The following CUX2 variants were observed in gnomAD, a reference collection of about 807,000 sequenced individuals.
CUX2 encodes cut like homeobox 2.
In CUX2, 40 loss-of-function variants were observed where a neutral mutation model predicts 144.8. That is an observed-to-expected ratio of 0.28 (90% CI 0.21 to 0.36). The LOEUF (loss-of-function observed/expected upper bound fraction) is 0.36, where lower values mean the gene tolerates loss of function less well. CUX2 is among the 10% of genes least tolerant of loss of function. The pLI, the probability that CUX2 is intolerant of heterozygous loss-of-function variation, is 1.00. For missense variants in CUX2, 1,615 were observed against 1,994.0 expected, an observed-to-expected ratio of 0.81 and a Z score of 3.62; for synonymous variants, 827 against 875.6, an observed-to-expected ratio of 0.94 and a Z score of 0.98.
chr12:111,235,554 G>A (rs1171385071), intron 3 of CUX2, among the ~76,000 whole-genome samples: 5 of 151,880 alleles, frequency 3.3e-5, no homozygotes, highest in Non-Finnish European at 5.9e-5. Flanking sequence ...AACCCCATCT[G>A]TACTAAAAAT....
intron 3 of CUX2, among the ~76,000 whole-genome samples, chr12:111,236,101 G>T (rs79917784): frequency 2.4e-3 from 360 of 152,232 alleles, no homozygotes; most frequent in African/African-American, 8.3e-3. Context: ...GATAGTATTT[G>T]TCCTTCCCTG....
At chr12:111,271,981 T>A (rs1262041328) in intron 4 of CUX2, among the ~76,000 whole-genome samples, 2 of 152,344 alleles carry the variant, frequency 1.3e-5, no homozygotes, top group African/African-American at 4.8e-5. Context: ...TTCAAAAAAA[T>A]ATTTGCAGAA....
chr12:111,115,264 G>A (rs1874216137), intron 1 of CUX2, among the ~76,000 whole-genome samples: 1 of 150,674 alleles, frequency 6.6e-6, no homozygotes, highest in Non-Finnish European at 1.5e-5. Context: ...GATCAATTTG[G>A]AGATAATAAA....
At chr12:111,130,115 G>A (rs139403000) in intron 1 of CUX2, among the ~76,000 whole-genome samples, 3 of 152,136 alleles carry the variant, frequency 2.0e-5, no homozygotes, top group Non-Finnish European at 4.4e-5. Context: ...GTTCCTTTGT[G>A]GGGGGCTGGG....
Position 111,338,378 on chromosome 12 carries a change from C to T in CUX2, c.3289C>T (p.Leu1097=). 2 of 1,614,172 alleles carry T rather than the reference C, an allele frequency of 1.2e-6. No individual in the cohort carries two copies. The highest frequency in any genetic ancestry group is 1.7e-6 in the Non-Finnish European group (2 of 1,180,016). ...SRPKPWHKLS[L]KGREPFVRMQ... is the part of the protein sequence containing the mutation. Reference sequence around the variant, plus strand: ...GCCCAAACCCTGGCACAAGCTGAGCCTGAAGGGGCGGGAGCCTTTTGTCCG... The same window carrying T: ...GCCCAAACCCTGGCACAAGCTGAGCTTGAAGGGGCGGGAGCCTTTTGTCCG... Residue 1097 remains leucine (L), a synonymous_variant, in exon 20 of 22, where the codon CTG becomes TTG. Coordinates refer to ENST00000261726, the MANE Select transcript of CUX2 (RefSeq NM_015267.4).
At chr12:111,206,329 C>CT (rs1267268025) in intron 1 of CUX2, among the ~76,000 whole-genome samples, 1 of 151,960 alleles carries the variant, frequency 6.6e-6, no homozygotes, top group Non-Finnish European at 1.5e-5. Flanking sequence ...AAAACCCTGT[C>CT]TAAGAAAAAA....
intron 1 of CUX2, among the ~76,000 whole-genome samples, chr12:111,107,358 A>G (rs1242259013): frequency 6.6e-6 from 1 of 152,242 alleles, no homozygotes; most frequent in African/African-American, 2.4e-5. Context: ...CTTTTTTGAC[A>G]TCTGACTGGG....
chr12:111,231,569 C>T (rs916058456), intron 3 of CUX2, among the ~76,000 whole-genome samples: 1 of 152,180 alleles, frequency 6.6e-6, no homozygotes, highest in African/African-American at 2.4e-5. Context: ...GGTCAGAAGT[C>T]AGCAGACTGT....
At chr12:111,113,179 G>A (rs563467615) in intron 1 of CUX2, among the ~76,000 whole-genome samples, 15 of 152,210 alleles carry the variant, frequency 9.9e-5, no homozygotes, top group African/African-American at 3.1e-4. Flanking sequence ...GAGAGGACCC[G>A]CTGGGGAGGA....
intron 18 of CUX2, among the ~76,000 whole-genome samples, chr12:111,328,619 T>A (rs574007574): frequency 0.011 from 1,615 of 148,612 alleles, 27 homozygotes; most frequent in African/African-American, 0.039. Context: ...TGTGTGTGTG[T>A]GACAGAGTCT....
intron 1 of CUX2, among the ~76,000 whole-genome samples, chr12:111,179,682 G>GT (rs771551244): frequency 0.055 from 7,818 of 141,620 alleles, 390 homozygotes; most frequent in African/African-American, 0.13. Flanking sequence ...CCATGGTTTT[G>GT]TTTTTTTTTT....
intron 1 of CUX2, among the ~76,000 whole-genome samples, chr12:111,131,112 A>G (rs1875444179): frequency 6.6e-6 from 1 of 152,196 alleles, no homozygotes; most frequent in South Asian, 2.1e-4. Flanking sequence ...GGGAAGAGAA[A>G]GAAGTTTAAT....
chr12:111,206,138 C>G (rs1037473063), intron 1 of CUX2, among the ~76,000 whole-genome samples: 32 of 152,254 alleles, frequency 2.1e-4, no homozygotes, highest in African/African-American at 7.7e-4. Context: ...GAGTTTGAGG[C>G]CAGCCTGAGC....
chr12:111,104,143 CTT>C (rs1442409726), intron 1 of CUX2, among the ~76,000 whole-genome samples: 3 of 152,192 alleles, frequency 2.0e-5, no homozygotes, highest in Non-Finnish European at 2.9e-5. Context: ...TTTTCTCTCT[CTT>C]GGGGCACAAT....
In CUX2 at chr12:111,332,586, G is replaced by GAC. The variant is rs566497316; in HGVS notation, c.2927-1854_2927-1853dup. 1.2e-3 allele frequency among the ~76,000 whole-genome samples: 188 copies of GAC among 152,118 alleles called. 3 individuals carry two copies. Among genetic ancestry groups the GAC allele is most frequent in the African/African-American group, 4.3e-3 (179 of 41,496 alleles). Reference sequence around the variant, plus strand: ...TGTAGATCATTGCTGGATCATTGCTGACTTCTTTAGTTGTTGCCGTTTATT... The same window carrying GAC: ...TGTAGATCATTGCTGGATCATTGCTGACACTTCTTTAGTTGTTGCCGTTTATT... On this transcript the variant is annotated intron_variant, in intron 18 of 21. Coordinates refer to ENST00000261726, the MANE Select transcript of CUX2 (RefSeq NM_015267.4).
chr12:111,229,087 G>A (rs1054182251), intron 3 of CUX2, among the ~76,000 whole-genome samples: 1 of 152,134 alleles, frequency 6.6e-6, no homozygotes, highest in Non-Finnish European at 1.5e-5. Flanking sequence ...AGTGTCAGAG[G>A]CTGCGATTAC....
intron 19 of CUX2, among the ~76,000 whole-genome samples, chr12:111,335,871 A>C (rs1462553273): frequency 6.6e-6 from 1 of 151,826 alleles, no homozygotes; most frequent in Non-Finnish European, 1.5e-5. Context: ...ATGCCATTGC[A>C]CTCCAGCCTG....
At position 111,320,353 on chromosome 12, in the gene CUX2, G is replaced by C. The variant is rs557174004; in HGVS notation, c.2344G>C (p.Ala782Pro). ...IRKVKSEIGD[A>P]GYFDHHWASD... ...CAAGGTCAAGTCCGAGATCGGCGAC[G>C]CCGGCTACTTCGACCACCACTGGGC... The change falls in exon 17 of 22, where the codon GCC becomes CCC. Residue 782 changes from alanine to proline, a missense_variant. This residue lies in a region of CUX2 where 390 missense variants were observed against 387.1 expected (regional missense o/e 1.01). Transcript: ENST00000261726. The surrounding 1 kb of genome is among the most constrained non-coding windows in gnomAD (Gnocchi z 8.1). 1 of 1,598,130 alleles carries C rather than the reference G, an allele frequency of 6.3e-7. No individual in the cohort carries two copies. Among genetic ancestry groups the C allele is most frequent in the Admixed American group, 1.7e-5 (1 of 59,976 alleles).
rs566974051 is a variant in CUX2, at chr12:111,327,329, A to G, written c.2926+4749A>G. On this transcript the variant is annotated intron_variant, in intron 18 of 21. Transcript: ENST00000261726. ...TTTGACTATTTTGAATAATGCGCCTATGAAAATTTGTGTACATATTTGTGT... is the reference window on the plus strand; with the variant it reads ...TTTGACTATTTTGAATAATGCGCCTGTGAAAATTTGTGTACATATTTGTGT... Among the ~76,000 whole-genome samples the G allele has an allele frequency of 1.6e-4, 25 of 152,336 alleles. 1 individual carries two copies. The highest frequency in any genetic ancestry group is 1.2e-3 in the South Asian group (6 of 4,832).
Sources: allele counts gnomAD v4.1 joint callset (sites outside exome capture counted in the v4.1 genomes callset), GRCh38; gene constraint gnomAD v4.1.1; regional missense constraint gnomAD v4.1.1; non-coding constraint Gnocchi (gnomAD v3.1); transcripts MANE v1.5; gene names NCBI Gene and HGNC (gene_info 2026-07-23, HGNC 2026-07-21).